Variants in IL7R observed in about 807,000 individuals in gnomAD.
The protein encoded by IL7R is interleukin-7 receptor subunit alpha.
A neutral mutation model predicts 47.0 loss-of-function variants in IL7R; 38 were observed. The observed-to-expected ratio is 0.81, with a 90% confidence interval of 0.62 to 1.06. The LOEUF (loss-of-function observed/expected upper bound fraction) is 1.06. Ranked by LOEUF, IL7R falls within the 50% of genes least tolerant of loss-of-function variation. The pLI, the probability that IL7R is intolerant of heterozygous loss-of-function variation, is 0.00. For synonymous variants in IL7R, 221 were observed against 199.8 expected, an observed-to-expected ratio of 1.11 and a Z score of -0.89; for missense variants, 633 against 534.8, an observed-to-expected ratio of 1.18 and a Z score of -1.81.
chr5:35,867,364 A>G lies in IL7R; in HGVS notation c.280A>G (p.Ile94Val). Residue 94 changes from isoleucine (I) to valine (V), a missense_variant, in exon 3 of 8, where the codon ATC (isoleucine) becomes GTC (valine). Physicochemically the swap from Ile to Val is conservative, Grantham distance 29. Coordinates refer to ENST00000303115, the MANE Select transcript of IL7R (RefSeq NM_002185.5). Reference protein sequence around the residue: ...NFRKLQEIYFIETKKFLLIGK... With the variant: ...NFRKLQEIYFVETKKFLLIGK... ...CAGGAAACTACAAGAGATATATTTCATCGAGACAAAGAAATTCTTACTGAT... is the reference window on the plus strand; with the variant it reads ...CAGGAAACTACAAGAGATATATTTCGTCGAGACAAAGAAATTCTTACTGAT... The G allele has an allele frequency of 1.9e-6, 3 of 1,613,638 alleles. No homozygotes were observed. Among genetic ancestry groups the G allele is most frequent in the South Asian group, 1.1e-5 (1 of 91,078 alleles).
chr5:35,858,613 A>C (rs1399508763), intron 1 of IL7R, among the ~76,000 whole-genome samples: 1 of 152,238 alleles, frequency 6.6e-6, no homozygotes, highest in Non-Finnish European at 1.5e-5. Flanking sequence ...GTAATTTCAA[A>C]ACCATAGTAA....
At position 35,873,587 on chromosome 5, in the gene IL7R, C is replaced by A. The variant is rs2149903424; in HGVS notation, c.645C>A (p.Gly215=). 1 of 1,613,958 alleles carries A rather than the reference C, an allele frequency of 6.2e-7. No homozygotes were observed. Among genetic ancestry groups the A allele is most frequent in the Non-Finnish European group, 8.5e-7 (1 of 1,179,832 alleles). Residue 215 remains glycine (G), a synonymous_variant, in exon 5 of 8, where the codon GGC becomes GGA. Transcript: ENST00000303115. ...VRSIPDHYFK[G]FWSEWSPSYY... is the part of the protein sequence containing the mutation. ...CCATCCCTGATCACTATTTTAAAGG[C>A]TTCTGGAGTGAATGGAGTCCAAGTT...
In IL7R at chr5:35,876,372, A is replaced by G. The variant is rs201755068; in HGVS notation, c.1266A>G (p.Gln422=). The G allele has an allele frequency of 3.1e-5, 50 of 1,613,446 alleles. No individual in the cohort carries two copies. The highest frequency in any genetic ancestry group is 7.7e-5 in the South Asian group (7 of 91,030). Residue 422 remains glutamine (Q), a synonymous_variant, in exon 8 of 8, where the codon CAA becomes CAG. Transcript: ENST00000303115. ...NSTLPPPFSL[Q]SGILTLNPVA... is the part of the protein sequence containing the mutation. ...CGCTGCCCCCTCCATTTTCTCTCCA[A>G]TCTGGAATCCTGACATTGAACCCAG...
Position 35,874,458 on chromosome 5 carries a change from A to G in IL7R, c.716A>G (p.Asp239Gly), listed in dbSNP as rs1161370947. The change falls in exon 6 of 8, where the codon GAT (aspartate) becomes GGT (glycine). Residue 239 changes from aspartate to glycine, a missense_variant. Asp to Gly is a moderately conservative substitution (Grantham distance 94). Coordinates refer to ENST00000303115, the MANE Select transcript of IL7R (RefSeq NM_002185.5). ...TATTCTTGCTTTCCAGGGGAGATGG[A>G]TCCTATCTTACTAACCATCAGCATT... ...PEINNSSGEM[D>G]PILLTISILS... is the part of the protein sequence containing the mutation. 6.2e-7 allele frequency: 1 copy of G among 1,608,366 alleles called. No individual in the cohort carries two copies.
intron 1 of IL7R, among the ~76,000 whole-genome samples, 186 bp downstream of exon 1, chr5:35,857,245 G>A (rs1229074784): frequency 6.6e-6 from 1 of 151,992 alleles, no homozygotes. Flanking sequence ...AATACTATGG[G>A]TGGTTTATAA....
At chr5:35,867,990 T>G (rs941913010) in intron 3 of IL7R, among the ~76,000 whole-genome samples, 14 of 152,166 alleles carry the variant, frequency 9.2e-5, no homozygotes, top group African/African-American at 3.4e-4. Context: ...AAATTGACTT[T>G]TGTGGTTGTG....
intron 3 of IL7R, among the ~76,000 whole-genome samples, chr5:35,869,079 C>T (rs574224924): frequency 2.0e-5 from 3 of 152,252 alleles, no homozygotes; most frequent in African/African-American, 4.8e-5. Flanking sequence ...GCATGTCTCA[C>T]GGTAGCATCT....
chr5:35,874,625 A>G (rs1397282371), intron 6 of IL7R, 83 bp downstream of exon 6: 4 of 1,036,066 alleles, frequency 3.9e-6, no homozygotes, highest in Non-Finnish European at 6.1e-6. Context: ...TGATGAGAAA[A>G]CCACAAAGGG....
intron 2 of IL7R, among the ~76,000 whole-genome samples, chr5:35,862,667 A>C (rs1759849330): frequency 6.6e-6 from 1 of 152,098 alleles, no homozygotes. Flanking sequence ...TTGATTGTCC[A>C]TTGCTCATTA....
At chr5:35,870,904 T>TA in intron 3 of IL7R, 152 bp from the exon 4 acceptor site, 1 of 711,928 alleles carries the variant, frequency 1.4e-6, no homozygotes, top group East Asian at 2.7e-5. Context: ...GGACTGGATT[T>TA]AAACCCAAGA....
Position 35,875,872 on chromosome 5 carries a change from A to G in IL7R, c.877-111A>G, listed in dbSNP as rs919632563. ...GAGTCCATTGAGGAACATGCTGGCA[A>G]TTCTGTGACATTCCCTGTCAGAAAA... is the stretch of plus-strand genomic sequence containing the variant. On this transcript the variant is annotated intron_variant, in intron 7 of 7. Coordinates refer to ENST00000303115, the MANE Select transcript of IL7R (RefSeq NM_002185.5). The G allele has an allele frequency of 1.0e-5, 12 of 1,204,922 alleles. No individual in the cohort carries two copies. In the African/African-American group the frequency reaches 1.6e-4, roughly 16 times the overall value. 74.6% of individuals were successfully genotyped at this position (1,204,922 alleles called of 1,614,324 possible).
Position 35,873,654 on chromosome 5 carries a change from G to T in IL7R, c.706+6G>T. 1.2e-6 allele frequency: 2 copies of T among 1,613,350 alleles called. No homozygotes were observed. Among genetic ancestry groups the T allele is most frequent in the Non-Finnish European group, 8.5e-7 (1 of 1,179,304 alleles). Reference sequence around the variant, plus strand: ...AGAGATCAATAATAGCTCAGGTAAGGAATGGTGGTAGAGTTTTTGTTCCCT... The same window carrying T: ...AGAGATCAATAATAGCTCAGGTAAGTAATGGTGGTAGAGTTTTTGTTCCCT... On this transcript the variant is annotated splice_donor_region_variant and intron_variant, in intron 5 of 7. Coordinates refer to ENST00000303115, the MANE Select transcript of IL7R (RefSeq NM_002185.5).
chr5:35,860,666 T>C (rs1007835470), intron 1 of IL7R, among the ~76,000 whole-genome samples, 186 bp from the exon 2 acceptor site: 1 of 152,176 alleles, frequency 6.6e-6, no homozygotes, highest in Admixed American at 6.6e-5. Flanking sequence ...TTTTGTTTTT[T>C]GTTGGTTGGT....
chr5:35,864,197 T>C (rs1304713008), intron 2 of IL7R, among the ~76,000 whole-genome samples: 1 of 152,194 alleles, frequency 6.6e-6, no homozygotes, highest in Non-Finnish European at 1.5e-5. Flanking sequence ...TTGATGTCCA[T>C]CTCATAGCTC....
In IL7R at chr5:35,871,094, C is replaced by T. The variant is rs773491081; in HGVS notation, c.418C>T (p.Arg140Trp). Reference protein sequence around the residue: ...EAPFDLSVVYREGANDFVVTF... With the variant: ...EAPFDLSVVYWEGANDFVVTF... The stretch of plus-strand genomic sequence containing the variant: ...TCCTTTTGACCTGAGTGTCGTCTAT[C>T]GGGAAGGAGCCAATGACTTTGTGGT... The change falls in exon 4 of 8, where the codon CGG (arginine) becomes TGG (tryptophan). Residue 140 changes from arginine (R) to tryptophan (W), a missense_variant. Transcript: ENST00000303115. 2.0e-5 allele frequency: 33 copies of T among 1,612,228 alleles called. No individual in the cohort carries two copies. In the East Asian group the frequency reaches 4.9e-4, roughly 24 times the overall value.
chr5:35,870,798 G>C (rs1202959303), intron 3 of IL7R, among the ~76,000 whole-genome samples: 1 of 152,124 alleles, frequency 6.6e-6, no homozygotes. Context: ...GTCACACATG[G>C]GTGTGTGTCT....
intron 3 of IL7R, among the ~76,000 whole-genome samples, chr5:35,870,436 G>A (rs538038695): frequency 3.9e-5 from 6 of 152,194 alleles, no homozygotes; most frequent in African/African-American, 7.2e-5. Flanking sequence ...CACTGTAGCT[G>A]AGACGAGGTG....
chr5:35,878,319 G>A lies in IL7R; in HGVS notation c.*1833G>A, dbSNP rs1362955753. ...CCTCCTTGATAGGCATTTATGGAAA[G>A]CCTGCTACATGTCAATCATACTGTT... is the stretch of plus-strand genomic sequence containing the variant. On this transcript the variant is annotated 3_prime_UTR_variant, in exon 8 of 8. Transcript: ENST00000303115. 4.3e-6 allele frequency: 1 copy of A among 233,254 alleles called. No homozygotes were observed. The highest frequency in any genetic ancestry group is 8.5e-6 in the Non-Finnish European group (1 of 118,028). The allele number at this position is 233,254 out of a possible 1,614,324, so 14.4% of individuals were successfully genotyped here. A position where few individuals can be genotyped will look rare whatever the true frequency, so the allele number is the denominator to read the frequency against.
At chr5:35,861,087 A>T (rs1394818350) in intron 2 of IL7R, 97 bp downstream of exon 2, 3 of 1,303,228 alleles carry the variant, frequency 2.3e-6, no homozygotes, top group East Asian at 4.6e-5. Flanking sequence ...ATGTGGCCTA[A>T]TTAACAAATG....
Sources: allele counts gnomAD v4.1 joint callset (sites outside exome capture counted in the v4.1 genomes callset), GRCh38; gene constraint gnomAD v4.1.1; transcripts MANE v1.5; gene names NCBI Gene and HGNC (gene_info 2026-07-23, HGNC 2026-07-21).